The following ZFYVE28 variants were observed in gnomAD, a reference collection of about 807,000 sequenced individuals.
The protein encoded by ZFYVE28 is lateral signaling target protein 2 homolog.
A neutral mutation model predicts 82.1 loss-of-function variants in ZFYVE28; 40 were observed. The ratio of observed to expected loss-of-function variants is 0.49; its 90% CI spans 0.38 to 0.63. The LOEUF is 0.63. Among genes scored for constraint, ZFYVE28 ranks in the 30% least tolerant of loss-of-function variants. ZFYVE28 has a pLI of 0.00. For synonymous variants in ZFYVE28, 612 were observed against 546.1 expected, an observed-to-expected ratio of 1.12 and a Z score of -1.68; for missense variants, 1,321 against 1,242.1, an observed-to-expected ratio of 1.06 and a Z score of -0.96.
chr4:2,303,620 C>T (rs1050244488), intron 8 of ZFYVE28, among the ~76,000 whole-genome samples: 27 of 152,160 alleles, frequency 1.8e-4, no homozygotes, highest in Non-Finnish European at 4.4e-5. Flanking sequence ...CTTTCCCTCC[C>T]TGTCTCCAGA....
chr4:2,304,421 C>G lies in ZFYVE28; in HGVS notation c.1919G>C (p.Gly640Ala). 1 of 1,613,622 alleles carries G rather than the reference C, an allele frequency of 6.2e-7. No homozygotes were observed. Residue 640 changes from glycine to alanine, a missense_variant, in exon 8 of 13, where the codon GGT becomes GCT. By Grantham distance (60) the Gly-to-Ala change is moderately conservative. Transcript: ENST00000290974. ...CCCACTCGCTGTGTCCACCTGGGAA[C>G]CTGAGGTGTGAGGCAGGCACTTGTC... ...TSDKCLPHTS[G>A]SQVDTASGLQ...
intron 1 of ZFYVE28, among the ~76,000 whole-genome samples, chr4:2,354,796 G>C (rs1335917979): frequency 2.1e-5 from 3 of 145,676 alleles, no homozygotes; most frequent in Non-Finnish European, 4.6e-5. Context: ...AAAATATGAA[G>C]TGGCCCAGAA....
At chr4:2,328,690 GA>G (rs915579005) in intron 6 of ZFYVE28, 78 of 153,432 alleles carry the variant, frequency 5.1e-4, no homozygotes, top group Admixed American at 1.3e-3. Context: ...ATTATAAAAA[GA>G]AAAAAAAATA....
intron 8 of ZFYVE28, among the ~76,000 whole-genome samples, chr4:2,302,080 C>G (rs772278704): frequency 1.3e-5 from 2 of 152,176 alleles, no homozygotes; most frequent in African/African-American, 4.8e-5. Context: ...GGCAGAAGGC[C>G]AGGAGAGCGA....
intron 2 of ZFYVE28, among the ~76,000 whole-genome samples, chr4:2,352,047 G>A (rs559068335): frequency 1.1e-4 from 16 of 152,168 alleles, no homozygotes; most frequent in African/African-American, 2.2e-4. Context: ...CTGGACCAGC[G>A]GAACTTGCAC....
At chr4:2,296,243 C>A (rs927144138) in intron 8 of ZFYVE28, among the ~76,000 whole-genome samples, 2 of 152,216 alleles carry the variant, frequency 1.3e-5, no homozygotes, top group African/African-American at 4.8e-5. Context: ...ATCCAGGCCA[C>A]CACTCAGGGC....
intron 1 of ZFYVE28, among the ~76,000 whole-genome samples, chr4:2,407,079 G>A (rs1732004098): frequency 6.6e-6 from 1 of 151,408 alleles, no homozygotes; most frequent in Non-Finnish European, 1.5e-5. Flanking sequence ...TCCCCAAGGT[G>A]ACTGCTGCTC....
At chr4:2,374,972 T>A (rs978409086) in intron 1 of ZFYVE28, among the ~76,000 whole-genome samples, 1 of 152,242 alleles carries the variant, frequency 6.6e-6, no homozygotes, top group Non-Finnish European at 1.5e-5. Flanking sequence ...CCAGTCCTCC[T>A]GTGGAAGACC....
At chr4:2,275,923 T>C (rs1025278868) in intron 8 of ZFYVE28, among the ~76,000 whole-genome samples, 2 of 151,818 alleles carry the variant, frequency 1.3e-5, no homozygotes, top group Non-Finnish European at 2.9e-5. Flanking sequence ...AGACCCACCG[T>C]GATCTAATCG....
intron 7 of ZFYVE28, among the ~76,000 whole-genome samples, chr4:2,315,564 T>G (rs1405283075): frequency 6.6e-6 from 1 of 152,250 alleles, no homozygotes; most frequent in Non-Finnish European, 1.5e-5. Flanking sequence ...GGAGCCACTG[T>G]GCCCAACCTC....
chr4:2,368,724 G>A (rs530290407), intron 1 of ZFYVE28, among the ~76,000 whole-genome samples: 4 of 152,220 alleles, frequency 2.6e-5, no homozygotes, highest in South Asian at 2.1e-4. Flanking sequence ...GGCATCTGTC[G>A]ATGAACACTT....
rs1184494 is a variant in ZFYVE28, at chr4:2,345,175, G to C, written c.181-3560C>G. ...AGATCACACCACTGCACTCCAGACTGGGCAACAGAGTGAGACTCCATCTCA... is the reference window on the plus strand; with the variant it reads ...AGATCACACCACTGCACTCCAGACTCGGCAACAGAGTGAGACTCCATCTCA... On this transcript the variant is annotated intron_variant, in intron 2 of 12. Coordinates refer to ENST00000290974, the MANE Select transcript of ZFYVE28 (RefSeq NM_020972.3). Among the ~76,000 whole-genome samples, 977 of 152,066 alleles carry C rather than the reference G, an allele frequency of 6.4e-3. 11 individuals are homozygous for C. Among genetic ancestry groups the C allele is most frequent in the Middle Eastern group, 0.024 (7 of 294 alleles).
At chr4:2,386,071 C>T (rs909606175) in intron 1 of ZFYVE28, among the ~76,000 whole-genome samples, 27 of 152,228 alleles carry the variant, frequency 1.8e-4, no homozygotes, top group African/African-American at 6.5e-4. Context: ...CTTCCCTTCC[C>T]TTCCCTGCTG....
At chr4:2,291,355 T>G (rs1245806520) in intron 8 of ZFYVE28, among the ~76,000 whole-genome samples, 1 of 152,188 alleles carries the variant, frequency 6.6e-6, no homozygotes, top group African/African-American at 2.4e-5. Context: ...TTGAGAATGC[T>G]TCCTGGAGCC....
intron 1 of ZFYVE28, among the ~76,000 whole-genome samples, chr4:2,371,488 C>G (rs545253222): frequency 1.3e-5 from 2 of 152,196 alleles, no homozygotes; most frequent in South Asian, 4.2e-4. Context: ...CCAGTGAGAG[C>G]CTGTACTTTA....
At chr4:2,351,167 C>T (rs544620245) in intron 2 of ZFYVE28, among the ~76,000 whole-genome samples, 4 of 152,062 alleles carry the variant, frequency 2.6e-5, no homozygotes, top group East Asian at 1.9e-4. Flanking sequence ...GAGGTCACTC[C>T]GGGTGGACAG....
intron 1 of ZFYVE28, among the ~76,000 whole-genome samples, chr4:2,382,693 CTT>C (rs1162870281): frequency 6.6e-6 from 1 of 152,120 alleles, no homozygotes; most frequent in Admixed American, 6.5e-5. Flanking sequence ...TTAGATGAGA[CTT>C]TTGACTGTGG....
intron 1 of ZFYVE28, among the ~76,000 whole-genome samples, chr4:2,403,361 A>G (rs1160683202): frequency 6.6e-6 from 1 of 152,248 alleles, no homozygotes; most frequent in African/African-American, 2.4e-5. Context: ...CCATTGAGAG[A>G]AAGATGCAGT....
In ZFYVE28 at chr4:2,335,740, G is replaced by A; in HGVS notation, c.666C>T (p.Ala222=). ...TQDMIDDYEP[A]LMFSIPRLAI... is the part of the protein sequence containing the mutation. ...CCAGCCTGGGGATGCTGAACATGAG[G>A]GCCGGCTCGTAGTCATCAATCATGT... The change falls in exon 6 of 13, where the codon GCC becomes GCT. Residue 222 remains alanine (A), a synonymous_variant. Transcript: ENST00000290974. This position sits in a 1 kb window ranked among gnomAD's most constrained non-coding sequence, Gnocchi z 5.8. The A allele has an allele frequency of 6.3e-7, 1 of 1,576,448 alleles. No individual in the cohort carries two copies. The highest frequency in any genetic ancestry group is 8.6e-7 in the Non-Finnish European group (1 of 1,161,052).
Sources: allele counts gnomAD v4.1 joint callset (sites outside exome capture counted in the v4.1 genomes callset), GRCh38; gene constraint gnomAD v4.1.1; non-coding constraint Gnocchi (gnomAD v3.1); transcripts MANE v1.5; gene names NCBI Gene and HGNC (gene_info 2026-07-23, HGNC 2026-07-21).